Variants in WRAP73 observed in about 807,000 individuals in gnomAD.
WRAP73 encodes the protein WD repeat containing, antisense to TP73.
A neutral mutation model predicts 59.6 loss-of-function variants in WRAP73; 55 were observed. The ratio of observed to expected loss-of-function variants is 0.92; its 90% CI spans 0.74 to 1.15. The LOEUF is 1.15. Ranked by LOEUF, WRAP73 falls within the 50% of genes most tolerant of loss-of-function variation. The probability of loss-of-function intolerance (pLI) is 0.00; values close to 1 mark genes in which losing one functional copy is unlikely to be tolerated. For synonymous variants in WRAP73, 265 were observed against 258.2 expected (o/e 1.03, Z -0.25); for missense variants, 592 against 608.1 (o/e 0.97, Z 0.28).
intron 6 of WRAP73, 162 bp downstream of exon 6, chr1:3,635,782 C>T (rs1644583874): frequency 4.7e-6 from 3 of 640,750 alleles, no homozygotes; most frequent in Middle Eastern, 2.6e-4. Context: ...GATCACACCA[C>T]TGCACTCCAG....
At chr1:3,635,893 A>G in intron 6 of WRAP73, 51 bp downstream of exon 6, 1 of 1,479,400 alleles carries the variant, frequency 6.8e-7, no homozygotes, top group Non-Finnish European at 9.4e-7. Flanking sequence ...AAAGCATGAA[A>G]TTCCGGGAAA....
intron 5 of WRAP73, chr1:3,636,748 A>G (rs1187243899): frequency 7.3e-6 from 4 of 545,818 alleles, no homozygotes; most frequent in Admixed American, 4.7e-5. Flanking sequence ...CAGGACAAGG[A>G]AAAGGGCTCA....
chr1:3,634,711 A>G, intron 8 of WRAP73: 1 of 459,824 alleles, frequency 2.2e-6, no homozygotes, highest in Non-Finnish European at 4.0e-6. Context: ...TGTACAGCAC[A>G]GGGATCTGCA....
intron 11 of WRAP73, 93 bp downstream of exon 11, chr1:3,631,373 G>T: frequency 6.9e-7 from 1 of 1,459,730 alleles, no homozygotes. Flanking sequence ...AGTGCTGCCG[G>T]AGACAGCAGC....
intron 6 of WRAP73, chr1:3,635,677 C>T (rs181611736): frequency 7.1e-5 from 35 of 489,760 alleles, no homozygotes; most frequent in African/African-American, 4.5e-4. Flanking sequence ...AAAAATTAGC[C>T]GGGCGTGGTG....
intron 3 of WRAP73, among the ~76,000 whole-genome samples, chr1:3,642,195 C>T (rs1270384193): frequency 6.6e-6 from 1 of 152,156 alleles, no homozygotes; most frequent in African/African-American, 2.4e-5. Flanking sequence ...CGAGACCAGC[C>T]TGGGAAACAA....
At chr1:3,636,834 G>A (rs914089644) in intron 5 of WRAP73, 161 bp downstream of exon 5, 2 of 760,026 alleles carry the variant, frequency 2.6e-6, no homozygotes, top group Non-Finnish European at 4.5e-6. Context: ...ACACAACCGG[G>A]TGCCACTGGA....
chr1:3,635,127 C>G, intron 7 of WRAP73, 33 bp downstream of exon 7: 8 of 1,614,098 alleles, frequency 5.0e-6, no homozygotes, highest in South Asian at 3.3e-5. Context: ...GCTGGGCGGT[C>G]GGACTTCCTG....
rs1644621418 is a variant in WRAP73, at chr1:3,639,792, C to T, written c.340-970G>A. ...ACTGCCAGCTCCGTGTGTGGGGACA[C>T]AGGGCTGCGCAGCTCCATGCGGGGT... On this transcript the variant is annotated intron_variant, in intron 3 of 11. Transcript: ENST00000270708. The surrounding 1 kb of genome is among the most constrained non-coding windows in gnomAD (Gnocchi z 4.3). Among the ~76,000 whole-genome samples, 1 of 145,006 alleles carries T rather than the reference C, an allele frequency of 6.9e-6. No individual in the cohort carries two copies. Among genetic ancestry groups the T allele is most frequent in the African/African-American group, 2.7e-5 (1 of 37,134 alleles).
chr1:3,644,434 A>G lies in WRAP73; in HGVS notation c.339+2232T>C, dbSNP rs6686644. ...CAGAAGGGGACCTAGTGGCCCCGCTAATCCTCGAACGGGTCTGGTCCTTGC... is the reference window on the plus strand; with the variant it reads ...CAGAAGGGGACCTAGTGGCCCCGCTGATCCTCGAACGGGTCTGGTCCTTGC... On this transcript the variant is annotated intron_variant, in intron 3 of 11. Coordinates refer to ENST00000270708, the MANE Select transcript of WRAP73 (RefSeq NM_017818.4). Among the ~76,000 whole-genome samples, 178 of 134,844 alleles carry G rather than the reference A, an allele frequency of 1.3e-3. 5 individuals carry two copies. Among genetic ancestry groups the G allele is most frequent in the African/African-American group, 6.8e-3 (173 of 25,566 alleles). 88.5% of individuals were successfully genotyped at this position (134,844 alleles called of 152,430 possible). A position where few individuals can be genotyped will look rare whatever the true frequency, so the allele number is the denominator to read the frequency against.
At position 3,637,023 on chromosome 1, in the gene WRAP73, A is replaced by G; in HGVS notation, c.488T>C (p.Phe163Ser). 6.2e-7 allele frequency: 1 copy of G among 1,613,800 alleles called. No individual in the cohort carries two copies. The highest frequency in any genetic ancestry group is 8.5e-7 in the Non-Finnish European group (1 of 1,180,016). ...RRDCKDYVSI[F>S]VCSDWQLLRH... ...CAGGAGCTGCCAATCACTGCAGACG[A>G]AGATGCTCACGTAATCTTTGCAGTC... The change falls in exon 5 of 12, where the codon TTC becomes TCC. Residue 163 changes from phenylalanine to serine, a missense_variant. Physicochemically the swap from Phe to Ser is radical, Grantham distance 155. Coordinates refer to ENST00000270708, the MANE Select transcript of WRAP73 (RefSeq NM_017818.4).
At chr1:3,647,321 T>G (rs1570313112) in intron 2 of WRAP73, 87 bp downstream of exon 2, 1 of 1,377,208 alleles carries the variant, frequency 7.3e-7, no homozygotes, top group East Asian at 2.8e-5. Context: ...GACTTTTTTT[T>G]CAAACTAGAA....
intron 4 of WRAP73, among the ~76,000 whole-genome samples, chr1:3,637,430 C>T (rs1489512752): frequency 1.0e-5 from 1 of 98,518 alleles, no homozygotes; most frequent in Non-Finnish European, 2.6e-5. Flanking sequence ...GCCTTCGAGT[C>T]CCCCCATGTC....
At chr1:3,648,149 C>A (rs911854394) in intron 1 of WRAP73, among the ~76,000 whole-genome samples, 3 of 152,220 alleles carry the variant, frequency 2.0e-5, no homozygotes, top group Non-Finnish European at 2.9e-5. Context: ...CTATTCCTAA[C>A]ACGAAACGGG....
chr1:3,641,530 A>G (rs1459454678), intron 3 of WRAP73, among the ~76,000 whole-genome samples: 1 of 152,230 alleles, frequency 6.6e-6, no homozygotes. Context: ...CTCTGTGCAG[A>G]TGGGATTCCG....
rs1265843007 is a variant in WRAP73 at position 3,637,009 on chromosome 1, A to G, written c.502T>C (p.Trp168Arg). The G allele has an allele frequency of 6.2e-7, 1 of 1,613,796 alleles. No homozygotes were observed. The highest frequency in any genetic ancestry group is 2.2e-5 in the East Asian group (1 of 44,880). The change falls in exon 5 of 12, where the codon TGG (tryptophan) becomes CGG (arginine). Residue 168 changes from tryptophan to arginine, a missense_variant. Physicochemically the swap from Trp to Arg is moderately radical, Grantham distance 101. Transcript: ENST00000270708. ...GGACGCCTTACCCGCAGGAGCTGCCAATCACTGCAGACGAAGATGCTCACG... is the reference window on the plus strand; with the variant it reads ...GGACGCCTTACCCGCAGGAGCTGCCGATCACTGCAGACGAAGATGCTCACG... ...DYVSIFVCSD[W>R]QLLRHFDTDT...
At chr1:3,649,173 C>T (rs1644716889) in intron 1 of WRAP73, among the ~76,000 whole-genome samples, 1 of 152,206 alleles carries the variant, frequency 6.6e-6, no homozygotes, top group South Asian at 2.1e-4. Flanking sequence ...TGAGGATATA[C>T]ACTACTAGGC....
At chr1:3,638,934 G>T in intron 3 of WRAP73, 112 bp from the exon 4 acceptor site, 2 of 1,118,776 alleles carry the variant, frequency 1.8e-6, no homozygotes, top group Non-Finnish European at 2.7e-6. Context: ...CTGCTGGAGT[G>T]GATCTATCAG....
Position 3,630,924 on chromosome 1 carries a change from A to C in WRAP73, c.*51T>G, listed in dbSNP as rs778744474. 1 of 1,570,666 alleles carries C rather than the reference A, an allele frequency of 6.4e-7. No homozygotes were observed. The highest frequency in any genetic ancestry group is 8.7e-7 in the Non-Finnish European group (1 of 1,154,574). ...TCCTGGTGAAGCTGTGTTTTTTCCC[A>C]CACTGGAAACACAGAGTAGCCCTGT... On this transcript the variant is annotated 3_prime_UTR_variant, in exon 12 of 12. Transcript: ENST00000270708.
Sources: allele counts gnomAD v4.1 joint callset (sites outside exome capture counted in the v4.1 genomes callset), GRCh38; gene constraint gnomAD v4.1.1; non-coding constraint Gnocchi (gnomAD v3.1); transcripts MANE v1.5; gene names NCBI Gene and HGNC (gene_info 2026-07-23, HGNC 2026-07-21).